The following NCAM2 variants were observed in gnomAD, a reference collection of about 807,000 sequenced individuals.
NCAM2 encodes the protein N-CAM-2.
In NCAM2, 30 loss-of-function variants were observed where a neutral mutation model predicts 98.1. The observed-to-expected ratio is 0.31, with a 90% CI of 0.23 to 0.41. The LOEUF (loss-of-function observed/expected upper bound fraction) is 0.41, where lower values mean the gene tolerates loss of function less well. NCAM2 is among the 10% of genes least tolerant of loss of function. The pLI, the probability that NCAM2 is intolerant of heterozygous loss-of-function variation, is 1.00. For missense variants in NCAM2, 867 were observed against 1,005.8 expected (o/e 0.86, Z 1.87); for synonymous variants, 368 against 342.4 (o/e 1.07, Z -0.83).
chr21:21,411,058 A>ATATATACATATATATGTG (rs1569033114), intron 10 of NCAM2, among the ~76,000 whole-genome samples: 34 of 84,684 alleles, frequency 4.0e-4, no homozygotes, highest in African/African-American at 1.4e-3. Context: ...GTGTGTGTAT[A>ATATATACATATATATGTG]TATATATATA....
At chr21:21,309,307 C>G (rs560470726) in intron 5 of NCAM2, among the ~76,000 whole-genome samples, 3 of 151,776 alleles carry the variant, frequency 2.0e-5, no homozygotes, top group Admixed American at 6.6e-5. Flanking sequence ...TATTTTAGAC[C>G]TTTTTTTTCT....
intron 8 of NCAM2, among the ~76,000 whole-genome samples, chr21:21,347,048 G>A (rs1207857008): frequency 6.6e-6 from 1 of 151,494 alleles, no homozygotes; most frequent in African/African-American, 2.4e-5. Flanking sequence ...AAATGAAATT[G>A]AATTAAAAAA....
At chr21:21,065,312 A>C (rs1242236158) in intron 1 of NCAM2, among the ~76,000 whole-genome samples, 3 of 152,238 alleles carry the variant, frequency 2.0e-5, no homozygotes, top group Admixed American at 2.0e-4. Flanking sequence ...AAGCAATTAT[A>C]TTAAAACCCT....
chr21:21,048,528 T>C (rs2065042988), intron 1 of NCAM2, among the ~76,000 whole-genome samples: 1 of 152,164 alleles, frequency 6.6e-6, no homozygotes, highest in Non-Finnish European at 1.5e-5. Context: ...AATTTTTTTC[T>C]ATTTTTAGTA....
At chr21:21,100,752 T>C (rs2066225225) in intron 1 of NCAM2, among the ~76,000 whole-genome samples, 1 of 152,054 alleles carries the variant, frequency 6.6e-6, no homozygotes, top group African/African-American at 2.4e-5. Context: ...GTGTCTGGCC[T>C]ATGACTTCTC....
chr21:21,203,470 T>C (rs1401272882), intron 1 of NCAM2, among the ~76,000 whole-genome samples: 8 of 152,302 alleles, frequency 5.3e-5, no homozygotes, highest in African/African-American at 1.9e-4. Flanking sequence ...CAAAGTTCCT[T>C]TGGAGTATCA....
intron 14 of NCAM2, 22 bp downstream of exon 14, chr21:21,468,805 A>G (rs779974144): frequency 6.4e-5 from 102 of 1,591,444 alleles, no homozygotes; most frequent in Non-Finnish European, 7.7e-5. Flanking sequence ...GTTTATTGTC[A>G]TATCATGCTA....
At chr21:21,434,319 C>T (rs536486453) in intron 12 of NCAM2, among the ~76,000 whole-genome samples, 1 of 152,214 alleles carries the variant, frequency 6.6e-6, no homozygotes, top group South Asian at 2.1e-4. Flanking sequence ...AGGGAAGCTG[C>T]GTGCATAGAA....
chr21:21,284,524 T>A, intron 3 of NCAM2, 124 bp downstream of exon 3: 1 of 739,232 alleles, frequency 1.4e-6, no homozygotes, highest in Admixed American at 2.5e-5. Context: ...ATCAGTTTAT[T>A]TATGCTTTAC....
chr21:21,028,381 A>G (rs1326919688), intron 1 of NCAM2, among the ~76,000 whole-genome samples: 2 of 152,234 alleles, frequency 1.3e-5, no homozygotes, highest in African/African-American at 4.8e-5. Context: ...TGTGTGAAGC[A>G]TATTTACTTA....
At chr21:21,474,895 T>G (rs1984955155) in intron 14 of NCAM2, among the ~76,000 whole-genome samples, 1 of 151,944 alleles carries the variant, frequency 6.6e-6, no homozygotes, top group South Asian at 2.1e-4. Flanking sequence ...TGTGTTTGTG[T>G]GTGTATATAT....
intron 1 of NCAM2, among the ~76,000 whole-genome samples, chr21:21,264,961 G>GTA (rs377115769): frequency 7.7e-4 from 22 of 28,420 alleles, no homozygotes; most frequent in South Asian, 6.0e-3. Context: ...ATGTGTATGT[G>GTA]TATATATACA....
At chr21:21,140,410 A>G (rs1243246411) in intron 1 of NCAM2, among the ~76,000 whole-genome samples, 1 of 152,164 alleles carries the variant, frequency 6.6e-6, no homozygotes, top group East Asian at 1.9e-4. Context: ...CCATACCTTC[A>G]ATAAATAATT....
chr21:21,192,481 G>A (rs1057137504), intron 1 of NCAM2, among the ~76,000 whole-genome samples: 2 of 152,150 alleles, frequency 1.3e-5, no homozygotes, highest in Non-Finnish European at 2.9e-5. Context: ...AAGCCTGTTG[G>A]TTGCAATGGT....
rs563771812 is a variant in NCAM2, at chr21:21,306,769, G to A, written c.619+14528G>A. Among the ~76,000 whole-genome samples the A allele has an allele frequency of 2.6e-5, 4 of 152,094 alleles. No individual in the cohort carries two copies. In the South Asian group the frequency reaches 8.3e-4, roughly 32 times the overall value. On this transcript the variant is annotated intron_variant, in intron 5 of 17. Transcript: ENST00000400546. ...TATTGACTATAGTCACCCTGTTATGGTATCAAATAGTAAGTCTTATTGATT... is the reference window on the plus strand; with the variant it reads ...TATTGACTATAGTCACCCTGTTATGATATCAAATAGTAAGTCTTATTGATT...
At chr21:21,366,137 A>T (rs2075779522) in intron 8 of NCAM2, among the ~76,000 whole-genome samples, 8 of 152,062 alleles carry the variant, frequency 5.3e-5, no homozygotes, top group Admixed American at 5.3e-4. Flanking sequence ...GTTTCTTCAT[A>T]GTGTATTTAC....
intron 1 of NCAM2, among the ~76,000 whole-genome samples, chr21:21,209,460 TG>T (rs1490354971): frequency 6.6e-6 from 1 of 152,130 alleles, no homozygotes; most frequent in Non-Finnish European, 1.5e-5. Context: ...CCTCCCAAAG[TG>T]GTGGGGTTAC....
intron 12 of NCAM2, among the ~76,000 whole-genome samples, chr21:21,460,932 T>TA (rs11308060): frequency 1.7e-4 from 25 of 148,564 alleles, no homozygotes; most frequent in Admixed American, 2.7e-4. Flanking sequence ...TTCACCTGGC[T>TA]AAAAAAAAAA....
At chr21:21,333,975 C>T (rs375998238) in intron 6 of NCAM2, among the ~76,000 whole-genome samples, 8 of 149,400 alleles carry the variant, frequency 5.4e-5, no homozygotes, top group South Asian at 2.1e-4. Flanking sequence ...TTTTTTTTTT[C>T]GGACACAGTC....
Sources: allele counts gnomAD v4.1 joint callset (sites outside exome capture counted in the v4.1 genomes callset), GRCh38; gene constraint gnomAD v4.1.1; transcripts MANE v1.5; gene names NCBI Gene and HGNC (gene_info 2026-07-23, HGNC 2026-07-21).